HMCN1: variants seen among roughly 807,000 people sequenced by gnomAD.
HMCN1 encodes the protein hemicentin 1.
A neutral mutation model predicts 625.9 loss-of-function variants in HMCN1; 321 were observed. The ratio of observed to expected loss-of-function variants is 0.51; its 90% CI spans 0.47 to 0.56. The LOEUF (loss-of-function observed/expected upper bound fraction) is 0.56, where lower values mean the gene tolerates loss of function less well. HMCN1 is among the 20% of genes least tolerant of loss of function. The pLI is 0.00. For synonymous variants in HMCN1, 2,425 were observed against 2,417.6 expected (o/e 1.00, Z -0.09); for missense variants, 6,588 against 6,887.3 (o/e 0.96, Z 1.54).
intron 67 of HMCN1, among the ~76,000 whole-genome samples, chr1:186,095,013 C>T (rs938236828): frequency 1.3e-5 from 2 of 152,010 alleles, no homozygotes; most frequent in Non-Finnish European, 2.9e-5. Context: ...ACACATTGTG[C>T]GTTCTGTAAG....
chr1:185,995,892 AT>A (rs1558127570), intron 24 of HMCN1, among the ~76,000 whole-genome samples: 1 of 152,114 alleles, frequency 6.6e-6, no homozygotes, highest in Non-Finnish European at 1.5e-5. Context: ...CAGGTATGGT[AT>A]TTAGCACAGT....
intron 34 of HMCN1, 100 bp downstream of exon 34, chr1:186,018,452 G>A (rs1654506578): frequency 8.2e-7 from 1 of 1,223,494 alleles, no homozygotes; most frequent in Non-Finnish European, 1.2e-6. Context: ...AATAAATCCT[G>A]AGTTGTGGAA....
In HMCN1 at chr1:185,997,506, T is replaced by A. The variant is rs748908679; in HGVS notation, c.3856T>A (p.Phe1286Ile). 18 of 1,610,116 alleles carry A rather than the reference T, an allele frequency of 1.1e-5. No individual in the cohort carries two copies. The highest frequency in any genetic ancestry group is 1.5e-5 in the Non-Finnish European group (18 of 1,176,774). Residue 1286 changes from phenylalanine (F) to isoleucine (I), a missense_variant, in exon 25 of 107, where the codon TTT becomes ATT. By Grantham distance (21) the Phe-to-Ile change is conservative. This residue lies in a region of HMCN1 where 4,628 missense variants were observed against 4,853.1 expected (regional missense o/e 0.95). Coordinates refer to ENST00000271588, the MANE Select transcript of HMCN1 (RefSeq NM_031935.3). ...QERVANQRIE[F>I]PCPAKGTPKP... ...AAGAGTGGCCAATCAACGCATTGAA[T>A]TTCCATGTCCTGCAAAAGGTACGTA...
At chr1:185,809,531 A>G (rs1375608130) in intron 1 of HMCN1, among the ~76,000 whole-genome samples, 1 of 151,700 alleles carries the variant, frequency 6.6e-6, no homozygotes, top group Admixed American at 6.6e-5. Flanking sequence ...TATAATTAAT[A>G]TTTCTGAAAT....
At chr1:185,993,455 TC>T (rs1427548199) in intron 23 of HMCN1, 146 bp downstream of exon 23, 6 of 815,102 alleles carry the variant, frequency 7.4e-6, no homozygotes, top group Admixed American at 2.3e-5. Context: ...CTTGTGATTT[TC>T]TTTTGTTTAC....
chr1:186,016,904 G>A, intron 32 of HMCN1, 59 bp from the exon 33 acceptor site: 1 of 908,818 alleles, frequency 1.1e-6, no homozygotes. Context: ...TGCTTCATAT[G>A]ATGGTGTGTT....
Position 186,015,270 on chromosome 1 carries a change from G to A in HMCN1, c.4742G>A (p.Trp1581Ter), listed in dbSNP as rs1217801099. 1.2e-6 allele frequency: 2 copies of A among 1,613,536 alleles called. No individual in the cohort carries two copies. Among genetic ancestry groups the A allele is most frequent in the Non-Finnish European group, 8.5e-7 (1 of 1,179,766 alleles). ...TRGLPMPAIT[W>*]YKDGQPIMSS... is the part of the protein sequence containing the mutation. ...GGACTTCCAATGCCTGCCATTACTT[G>A]GTATAAGGACGGGCAGCCAATCATG... Residue 1581 changes from tryptophan to a stop codon, truncating the protein, a stop_gained, in exon 31 of 107, where the codon TGG becomes TAG. Transcript: ENST00000271588. LOFTEE classifies it high-confidence loss of function.
At chr1:186,053,185 T>A in intron 43 of HMCN1, 111 bp downstream of exon 43, 2 of 992,016 alleles carry the variant, frequency 2.0e-6, no homozygotes, top group Non-Finnish European at 3.1e-6. Flanking sequence ...GTTTGCATAC[T>A]AAATGCTAGA....
intron 1 of HMCN1, among the ~76,000 whole-genome samples, chr1:185,832,909 A>C (rs1470015279): frequency 6.6e-6 from 1 of 152,242 alleles, no homozygotes; most frequent in East Asian, 1.9e-4. Flanking sequence ...TTGGCACAAA[A>C]TAACCAACAA....
chr1:185,985,692 TA>T (rs1158517202), intron 19 of HMCN1, among the ~76,000 whole-genome samples: 3 of 152,230 alleles, frequency 2.0e-5, no homozygotes, highest in African/African-American at 7.2e-5. Flanking sequence ...TGGCATTAAC[TA>T]AATCTTGCAG....
At chr1:186,139,247 A>G (rs1403315727) in intron 89 of HMCN1, among the ~76,000 whole-genome samples, 2 of 152,222 alleles carry the variant, frequency 1.3e-5, no homozygotes, top group African/African-American at 4.8e-5. Context: ...CTAATTATGA[A>G]GCTTATTTAA....
At chr1:185,935,705 A>G (rs556447688) in intron 11 of HMCN1, among the ~76,000 whole-genome samples, 21 of 152,136 alleles carry the variant, frequency 1.4e-4, no homozygotes, top group Non-Finnish European at 2.9e-4. Context: ...TTGAAGGGCC[A>G]ATTTTGATGA....
intron 62 of HMCN1, 121 bp from the exon 63 acceptor site, chr1:186,088,483 GAA>G: frequency 7.3e-7 from 1 of 1,366,140 alleles, no homozygotes; most frequent in Non-Finnish European, 9.8e-7. Context: ...TTTTAAAAAA[GAA>G]AATGGAGAAC....
At chr1:185,751,143 G>T in intron 1 of HMCN1, among the ~76,000 whole-genome samples, 1 of 151,858 alleles carries the variant, frequency 6.6e-6, no homozygotes, top group East Asian at 1.9e-4. Context: ...CCTTCATTTT[G>T]GATTCTTATT....
At position 186,182,296 on chromosome 1, in the gene HMCN1, A is replaced by C. The variant is rs774157373; in HGVS notation, c.16414+9A>C. 3.1e-6 allele frequency: 5 copies of C among 1,613,162 alleles called. No individual in the cohort carries two copies. Among genetic ancestry groups the C allele is most frequent in the Non-Finnish European group, 4.2e-6 (5 of 1,179,276 alleles). On this transcript the variant is annotated intron_variant, in intron 105 of 106. Transcript: ENST00000271588. ...TGGAAAGACATGCCAAGGTGAGAAA[A>C]CATTGGGATGTTTATTGTTGCAAAC...
At chr1:186,064,456 A>C (rs1410953063) in intron 48 of HMCN1, among the ~76,000 whole-genome samples, 1 of 152,070 alleles carries the variant, frequency 6.6e-6, no homozygotes. Context: ...TGCATGTTGA[A>C]TTAATTAAAG....
At chr1:186,147,632 A>AC (rs1299464909) in intron 93 of HMCN1, among the ~76,000 whole-genome samples, 2 of 152,200 alleles carry the variant, frequency 1.3e-5, no homozygotes, top group Non-Finnish European at 2.9e-5. Flanking sequence ...GTTCTAGACC[A>AC]CCACAAGGAA....
chr1:186,043,199 G>A (rs1423030086), intron 40 of HMCN1, among the ~76,000 whole-genome samples: 1 of 151,970 alleles, frequency 6.6e-6, no homozygotes, highest in African/African-American at 2.4e-5. Context: ...ATGAGAAACA[G>A]GTCCAGAACA....
intron 45 of HMCN1, among the ~76,000 whole-genome samples, chr1:186,056,368 T>C (rs1657320398): frequency 6.6e-6 from 1 of 152,034 alleles, no homozygotes; most frequent in Non-Finnish European, 1.5e-5. Context: ...GTTGGATTAC[T>C]CTTAATTTTT....
Sources: allele counts gnomAD v4.1 joint callset (sites outside exome capture counted in the v4.1 genomes callset), GRCh38; gene constraint gnomAD v4.1.1; regional missense constraint gnomAD v4.1.1; transcripts MANE v1.5; gene names NCBI Gene and HGNC (gene_info 2026-07-23, HGNC 2026-07-21).